SCART1: variants seen among roughly 807,000 people sequenced by gnomAD.
The protein encoded by SCART1 is scavenger receptor cysteine-rich domain-containing protein SCART1.
Under a neutral mutation model 36.2 loss-of-function variants are expected in SCART1, and 62 were observed. The ratio of observed to expected loss-of-function variants is 1.71; its 90% CI spans 1.40 to 2.12. The LOEUF (loss-of-function observed/expected upper bound fraction) is 2.12. SCART1 is among the 30% of genes most tolerant of loss of function. The pLI is 0.00. For synonymous variants in SCART1, 487 were observed against 238.7 expected, an observed-to-expected ratio of 2.04 and a Z score of -9.59; for missense variants, 1,041 against 540.5, an observed-to-expected ratio of 1.93 and a Z score of -9.18.
chr10:133,464,583 GC>G, intron 6 of SCART1, 22 bp from the exon 7 acceptor site: 1 of 635,086 alleles, frequency 1.6e-6, no homozygotes, highest in South Asian at 1.8e-5. Context: ...GCACTCCCTG[GC>G]CTGACTGTGC....
chr10:133,460,926 G>A (rs1461307223), intron 6 of SCART1, among the ~76,000 whole-genome samples: 1 of 151,466 alleles, frequency 6.6e-6, no homozygotes, highest in African/African-American at 2.4e-5. Context: ...TGTAGAGATG[G>A]AGTTTCACCA....
At chr10:133,468,108 C>A (rs552156865) in exon 12 of SCART1, 2 of 556,170 alleles carry the variant, frequency 3.6e-6, no homozygotes, top group South Asian at 2.4e-5. Flanking sequence ...AAAATCCAGT[C>A]CTTCCAGGCC....
chr10:133,461,642 T>C (rs992545454), intron 6 of SCART1, among the ~76,000 whole-genome samples: 5 of 152,170 alleles, frequency 3.3e-5, no homozygotes, highest in African/African-American at 4.8e-5. Flanking sequence ...TCCTTTGGTG[T>C]ATTATTTCGC....
chr10:133,466,411 A>G (rs2133559933), intron 10 of SCART1, 30 bp downstream of exon 10: 1 of 696,312 alleles, frequency 1.4e-6, no homozygotes, highest in South Asian at 1.5e-5. Flanking sequence ...GATCCCATCA[A>G]CTGGTGTGCA....
At chr10:133,458,367 C>T (rs556826134) in exon 4 of SCART1, 46 of 702,650 alleles carry the variant, frequency 6.5e-5, no homozygotes, top group East Asian at 3.0e-4. Flanking sequence ...CAGGACACAC[C>T]GAGGCCCGAC....
exon 12 of SCART1, chr10:133,468,938 A>G (rs959566872): frequency 2.6e-5 from 4 of 152,228 alleles, no homozygotes; most frequent in Non-Finnish European, 5.9e-5. Flanking sequence ...TTCAGGTCTC[A>G]TAAGAGTTAG....
chr10:133,469,153 T>C (rs1341919384), exon 12 of SCART1: 1 of 152,202 alleles, frequency 6.6e-6, no homozygotes, highest in Non-Finnish European at 1.5e-5. Flanking sequence ...TTTTTTCATA[T>C]GTTTGTTGGC....
At chr10:133,465,380 G>A (rs1156362934) in exon 9 of SCART1, 4 of 658,904 alleles carry the variant, frequency 6.1e-6, no homozygotes, top group South Asian at 3.2e-5. Context: ...GTCGTGTGCC[G>A]CCAGCTGGGC....
In SCART1 at chr10:133,456,870, A is replaced by G. The variant is rs962025753; in HGVS notation, c.385+316A>G. On this transcript the variant is annotated intron_variant, in intron 2 of 11. Coordinates refer to ENST00000640237, the Ensembl canonical transcript of SCART1. ...GGGTCTGTGGACGCCTGAGGCCCACACAGGTAGCTGATGATGGTTTCTTAG... is the reference window on the plus strand; with the variant it reads ...GGGTCTGTGGACGCCTGAGGCCCACGCAGGTAGCTGATGATGGTTTCTTAG... Among the ~76,000 whole-genome samples, 8 of 152,176 alleles carry G rather than the reference A, an allele frequency of 5.3e-5. 1 individual carries two copies. Among genetic ancestry groups the G allele is most frequent in the Non-Finnish European group, 7.4e-5 (5 of 68,022 alleles).
At chr10:133,460,525 A>ATTATTTATTTATT (rs1554896751) in intron 6 of SCART1, among the ~76,000 whole-genome samples, 1 of 134,340 alleles carries the variant, frequency 7.4e-6, no homozygotes, top group Admixed American at 7.5e-5. Context: ...ATTTATTTAA[A>ATTATTTATTTATT]TATTTATTTA....
Position 133,460,185 on chromosome 10 carries a change from G to A in SCART1, c.1969+15G>A, listed in dbSNP as rs1008315513. 2 of 471,690 alleles carry A rather than the reference G, an allele frequency of 4.2e-6. No homozygotes were observed. The highest frequency in any genetic ancestry group is 7.4e-6 in the Non-Finnish European group (2 of 268,636). 29.2% of individuals were successfully genotyped at this position (471,690 alleles called of 1,614,324 possible). Reference sequence around the variant, plus strand: ...CTTCTGCTCAGGTGAGCGGCCGTTGGGTATGGAATGATCATGCTGTTTTAT... The same window carrying A: ...CTTCTGCTCAGGTGAGCGGCCGTTGAGTATGGAATGATCATGCTGTTTTAT... On this transcript the variant is annotated intron_variant, in intron 6 of 11. Transcript: ENST00000640237.
intron 1 of SCART1, among the ~76,000 whole-genome samples, chr10:133,454,766 G>A (rs1269277683): frequency 2.0e-5 from 3 of 152,126 alleles, no homozygotes; most frequent in Non-Finnish European, 4.4e-5. Flanking sequence ...GGTGCTGGAC[G>A]GAGCCACATC....
chr10:133,462,284 T>C (rs1358942442), intron 6 of SCART1, among the ~76,000 whole-genome samples: 1 of 152,206 alleles, frequency 6.6e-6, no homozygotes, highest in African/African-American at 2.4e-5. Context: ...ACTTTGATTG[T>C]TTTGGGAAAC....
At chr10:133,460,523 A>ATTT (rs1432173396) in intron 6 of SCART1, among the ~76,000 whole-genome samples, 2 of 109,670 alleles carry the variant, frequency 1.8e-5, no homozygotes, top group South Asian at 3.5e-4. Flanking sequence ...ATATTTATTT[A>ATTT]AATATTTATT....
intron 3 of SCART1, 34 bp from the exon 4 acceptor site, chr10:133,458,325 AC>A (rs1850645353): frequency 7.1e-6 from 5 of 702,234 alleles, no homozygotes; most frequent in Non-Finnish European, 1.0e-5. Flanking sequence ...ACCTGAGAAC[AC>A]CTGTCTCCTG....
intron 3 of SCART1, 84 bp downstream of exon 3, chr10:133,457,659 G>A: frequency 1.7e-6 from 1 of 596,440 alleles, no homozygotes; most frequent in Non-Finnish European, 3.0e-6. Flanking sequence ...AGGGGGGTGG[G>A]CGTTCCCACG....
intron 2 of SCART1, 49 bp from the exon 3 acceptor site, chr10:133,457,230 G>A (rs1850628193): frequency 1.5e-6 from 1 of 685,038 alleles, no homozygotes; most frequent in African/African-American, 1.8e-5. Flanking sequence ...GAGTGACCAT[G>A]CGGCCAGCTG....
At chr10:133,467,302 C>T in exon 11 of SCART1, 1 of 702,988 alleles carries the variant, frequency 1.4e-6, no homozygotes. Flanking sequence ...CGAGGCTGTG[C>T]TCCAAGATGA....
chr10:133,467,954 G>C lies in SCART1; in HGVS notation c.3070G>C (p.Glu1024Gln), dbSNP rs1850782099. The change falls in exon 12 of 12, where the codon GAG becomes CAG. Residue 1024 changes from glutamate to glutamine, a missense_variant. Physicochemically the swap from Glu to Gln is conservative, Grantham distance 29. Transcript: ENST00000640237. The stretch of plus-strand genomic sequence containing the variant: ...TGACGAGGCTGCGTTTCCTCTGGAG[G>C]AGATGACGTTGTAAAGCAACCTGAG... 3 of 695,008 alleles carry C rather than the reference G, an allele frequency of 4.3e-6. No individual in the cohort carries two copies. The East Asian group carries it at 8.1e-5, about 19-fold the overall frequency. 43.1% of individuals were successfully genotyped at this position (695,008 alleles called of 1,614,324 possible). A position where few individuals can be genotyped will look rare whatever the true frequency, so the allele number is the denominator to read the frequency against.
Sources: gnomAD v4.1 joint callset for allele counts (sites outside exome capture counted in the v4.1 genomes callset) on GRCh38, gnomAD v4.1.1 for gene constraint, MANE v1.5 for transcripts, NCBI Gene and HGNC (gene_info 2026-07-23, HGNC 2026-07-21) for gene names.